Variants in PIP4K2A observed in about 807,000 individuals in gnomAD.
PIP4K2A encodes phosphatidylinositol-5-phosphate 4-kinase type 2 alpha, also known as phosphatidylinositol 5-phosphate 4-kinase type-2 alpha.
Under a neutral mutation model 42.9 loss-of-function variants are expected in PIP4K2A, and 14 were observed. The ratio of observed to expected loss-of-function variants is 0.33; its 90% CI spans 0.22 to 0.51. The LOEUF (loss-of-function observed/expected upper bound fraction) is 0.51, where lower values mean the gene tolerates loss of function less well. Among genes scored for constraint, PIP4K2A ranks in the 20% least tolerant of loss-of-function variants. The probability of loss-of-function intolerance (pLI) is 0.97; values close to 1 mark genes in which losing one functional copy is unlikely to be tolerated. For synonymous variants in PIP4K2A, 192 were observed against 192.2 expected (o/e 1.00, Z 0.01); for missense variants, 434 against 519.8 (o/e 0.83, Z 1.61).
chr10:22,691,255 T>C (rs550012023), intron 1 of PIP4K2A, among the ~76,000 whole-genome samples: 1 of 152,302 alleles, frequency 6.6e-6, no homozygotes, highest in East Asian at 1.9e-4. Context: ...TTTGTCCTTG[T>C]CATCCTACCT....
intron 1 of PIP4K2A, among the ~76,000 whole-genome samples, chr10:22,661,250 A>C (rs1839199102): frequency 6.6e-6 from 1 of 151,116 alleles, no homozygotes; most frequent in African/African-American, 2.4e-5. Flanking sequence ...GATCAGATGG[A>C]GTTTTCTCAT....
intron 1 of PIP4K2A, among the ~76,000 whole-genome samples, chr10:22,643,044 C>T (rs866988582): frequency 6.6e-6 from 1 of 152,078 alleles, no homozygotes; most frequent in Non-Finnish European, 1.5e-5. Flanking sequence ...GGCTCCAGCA[C>T]CAAGGAGGAG....
chr10:22,598,604 A>G (rs577063647), intron 3 of PIP4K2A, among the ~76,000 whole-genome samples: 56 of 152,300 alleles, frequency 3.7e-4, no homozygotes, highest in Non-Finnish European at 5.4e-4. Context: ...ACAAAACAGA[A>G]TGGACCCAGG....
intron 4 of PIP4K2A, among the ~76,000 whole-genome samples, chr10:22,583,487 G>A (rs2130810195): frequency 6.6e-6 from 1 of 152,328 alleles, no homozygotes; most frequent in African/African-American, 2.4e-5. Flanking sequence ...AAGCCAAGGT[G>A]TTGGAGGTGC....
intron 1 of PIP4K2A, among the ~76,000 whole-genome samples, chr10:22,632,426 A>G (rs985882906): frequency 6.6e-6 from 1 of 152,226 alleles, no homozygotes; most frequent in African/African-American, 2.4e-5. Flanking sequence ...TGGTATTTTT[A>G]GTATAGTATG....
At chr10:22,664,260 TAC>T (rs1373982645) in intron 1 of PIP4K2A, among the ~76,000 whole-genome samples, 3 of 138,868 alleles carry the variant, frequency 2.2e-5, no homozygotes, top group Admixed American at 7.7e-5. Context: ...CATATATATA[TAC>T]ACACACATAC....
At chr10:22,570,717 T>C (rs193119977) in intron 5 of PIP4K2A, among the ~76,000 whole-genome samples, 29 of 152,334 alleles carry the variant, frequency 1.9e-4, no homozygotes, top group Admixed American at 1.1e-3. Flanking sequence ...TGAGAAATTA[T>C]TTGCCTTTTT....
chr10:22,673,029 G>A (rs1463191756), intron 1 of PIP4K2A, among the ~76,000 whole-genome samples: 2 of 152,070 alleles, frequency 1.3e-5, no homozygotes, highest in African/African-American at 4.8e-5. Flanking sequence ...CCTGTCCAGG[G>A]CCACTTCCTG....
chr10:22,682,753 A>G (rs971855287), intron 1 of PIP4K2A, among the ~76,000 whole-genome samples: 1 of 152,204 alleles, frequency 6.6e-6, no homozygotes, highest in Non-Finnish European at 1.5e-5. Context: ...CTTGGCTCCT[A>G]GACTCTCTAC....
At position 22,611,415 on chromosome 10, in the gene PIP4K2A, CAA is replaced by C. The variant is rs76572163; in HGVS notation, c.145-1700_145-1699del. On this transcript the variant is annotated intron_variant, in intron 1 of 9. Coordinates refer to ENST00000376573, the MANE Select transcript of PIP4K2A (RefSeq NM_005028.5). The stretch of plus-strand genomic sequence containing the variant: ...TTAAACAAAAAACAAACAACAACAA[CAA>C]AAAAAAAACAAAAAAAAGCAGAATA... Among the ~76,000 whole-genome samples, 605 of 64,242 alleles carry C rather than the reference CAA, an allele frequency of 9.4e-3. 5 individuals are homozygous for C. Among genetic ancestry groups the C allele is most frequent in the Middle Eastern group, 0.093 (10 of 108 alleles). 42.1% of individuals were successfully genotyped at this position (64,242 alleles called of 152,430 possible).
intron 3 of PIP4K2A, among the ~76,000 whole-genome samples, chr10:22,605,323 A>C (rs1837883272): frequency 6.6e-6 from 1 of 152,240 alleles, no homozygotes; most frequent in Admixed American, 6.5e-5. Context: ...TCTCATGTGA[A>C]GAGTTTAACG....
At chr10:22,669,785 C>A (rs987827821) in intron 1 of PIP4K2A, among the ~76,000 whole-genome samples, 3 of 152,058 alleles carry the variant, frequency 2.0e-5, no homozygotes, top group African/African-American at 7.2e-5. Flanking sequence ...CCGTTTTTTG[C>A]TAGCAAAAAA....
chr10:22,648,964 A>G (rs937141769), intron 1 of PIP4K2A, among the ~76,000 whole-genome samples: 1 of 152,258 alleles, frequency 6.6e-6, no homozygotes, highest in Non-Finnish European at 1.5e-5. Context: ...CATACTTTCA[A>G]GAATTAACCC....
chr10:22,676,476 A>G (rs1588701183), intron 1 of PIP4K2A, among the ~76,000 whole-genome samples: 1 of 152,252 alleles, frequency 6.6e-6, no homozygotes, highest in Middle Eastern at 3.4e-3. Flanking sequence ...TAATGTAGAT[A>G]TGGCCAGATC....
At position 22,652,296 on chromosome 10, in the gene PIP4K2A, T is replaced by A. The variant is rs964604907; in HGVS notation, c.145-42579A>T. Reference sequence around the variant, plus strand: ...CACCACCATGCCTATTTTTTTGGTATTTTTAGTAGAGACAGGGTTTCACCA... The same window carrying A: ...CACCACCATGCCTATTTTTTTGGTAATTTTAGTAGAGACAGGGTTTCACCA... On this transcript the variant is annotated intron_variant, in intron 1 of 9. Coordinates refer to ENST00000376573, the MANE Select transcript of PIP4K2A (RefSeq NM_005028.5). 4.6e-5 allele frequency among the ~76,000 whole-genome samples: 7 copies of A among 152,148 alleles called. No individual in the cohort carries two copies. The South Asian group carries it at 1.5e-3, about 32-fold the overall frequency.
At chr10:22,562,851 A>G (rs1353229364) in intron 6 of PIP4K2A, among the ~76,000 whole-genome samples, 1 of 151,942 alleles carries the variant, frequency 6.6e-6, no homozygotes, top group Non-Finnish European at 1.5e-5. Flanking sequence ...TGCCTATTGG[A>G]TATCTCTGTT....
In PIP4K2A at chr10:22,618,307, C is replaced by T. The variant is rs1588666890; in HGVS notation, c.145-8590G>A. On this transcript the variant is annotated intron_variant, in intron 1 of 9. Transcript: ENST00000376573. ...GTGACTCTGTGGCTGATAAAGCACA[C>T]AAGGATTCCTTCCACCAAACAAATG... Among the ~76,000 whole-genome samples the T allele has an allele frequency of 2.0e-5, 3 of 152,198 alleles. No individual in the cohort carries two copies. The East Asian group carries it at 5.8e-4, about 29-fold the overall frequency.
chr10:22,694,146 G>T (rs565618729), intron 1 of PIP4K2A: 2 of 152,136 alleles, frequency 1.3e-5, no homozygotes, highest in Non-Finnish European at 2.9e-5. Flanking sequence ...ATACCAAGGG[G>T]TTACTGTACC....
intron 1 of PIP4K2A, among the ~76,000 whole-genome samples, chr10:22,634,094 G>A (rs1277467060): frequency 6.6e-6 from 1 of 152,194 alleles, no homozygotes; most frequent in East Asian, 1.9e-4. Flanking sequence ...CTATGAACAT[G>A]AACTCAACAT....
Sources: allele counts gnomAD v4.1 joint callset (sites outside exome capture counted in the v4.1 genomes callset), GRCh38; gene constraint gnomAD v4.1.1; transcripts MANE v1.5; gene names NCBI Gene and HGNC (gene_info 2026-07-23, HGNC 2026-07-21).